Variants in CFAP92 observed in about 807,000 individuals in gnomAD.
The protein encoded by CFAP92 is cilia and flagella associated protein 92 (putative), also known as uncharacterized protein CFAP92.
CFAP92 carries 86 observed loss-of-function variants against 106.3 expected under a neutral mutation model. That is an observed-to-expected ratio of 0.81 (90% CI 0.68 to 0.97). The LOEUF (loss-of-function observed/expected upper bound fraction) is 0.97. Among genes scored for constraint, CFAP92 ranks in the 50% least tolerant of loss-of-function variants. The pLI, the probability that CFAP92 is intolerant of heterozygous loss-of-function variation, is 0.00. For missense variants in CFAP92, 1,204 were observed against 1,283.8 expected (o/e 0.94, Z 0.95); for synonymous variants, 477 against 506.4 (o/e 0.94, Z 0.78).
At chr3:128,913,749 T>C (rs981957713) in intron 15 of CFAP92, among the ~76,000 whole-genome samples, 1 of 152,026 alleles carries the variant, frequency 6.6e-6, no homozygotes, top group African/African-American at 2.4e-5. Context: ...TGGGGAAAGT[T>C]TGTAAATATT....
Position 128,915,576 on chromosome 3 carries a change from G to A in CFAP92, c.2917-13C>T. 6.7e-7 allele frequency: 1 copy of A among 1,491,934 alleles called. No individual in the cohort carries two copies. 92.4% of individuals were successfully genotyped at this position (1,491,934 alleles called of 1,614,324 possible). A position where few individuals can be genotyped will look rare whatever the true frequency, so the allele number is the denominator to read the frequency against. On this transcript the variant is annotated splice_polypyrimidine_tract_variant and intron_variant, in intron 13 of 15. Coordinates refer to ENST00000645291, the MANE Select transcript of CFAP92 (RefSeq NM_001394090.1). The stretch of plus-strand genomic sequence containing the variant: ...TCTTTCTTGGCTCCTAGAAATGGGG[G>A]CAGACAGGTTGGGGTGGAAGGGCTA...
rs1939615618 is a variant in CFAP92, at chr3:128,941,442, T to G, written c.2258+3629A>C. Among the ~76,000 whole-genome samples the G allele has an allele frequency of 3.9e-5, 6 of 152,312 alleles. No homozygotes were observed. The South Asian group carries it at 1.2e-3, about 32-fold the overall frequency. On this transcript the variant is annotated intron_variant, in intron 10 of 15. Transcript: ENST00000645291. The stretch of plus-strand genomic sequence containing the variant: ...AGCATTTTAAGGTTATACATTTTCT[T>G]CTGACTAATGCTTCAATATCACTCT...
chr3:128,959,339 A>C (rs1941687766), intron 9 of CFAP92, among the ~76,000 whole-genome samples: 2 of 152,228 alleles, frequency 1.3e-5, no homozygotes, highest in Non-Finnish European at 2.9e-5. Context: ...CAATGCCTTC[A>C]AAACTCTGAA....
chr3:128,987,251 G>C (rs1450374923), intron 4 of CFAP92, among the ~76,000 whole-genome samples: 3 of 152,148 alleles, frequency 2.0e-5, no homozygotes, highest in Non-Finnish European at 4.4e-5. Context: ...ATTGGCTTGG[G>C]GTGGTGGGAT....
chr3:128,976,101 G>T (rs969472336), intron 6 of CFAP92, among the ~76,000 whole-genome samples, 198 bp from the exon 7 acceptor site: 2 of 152,074 alleles, frequency 1.3e-5, no homozygotes, highest in Non-Finnish European at 2.9e-5. Context: ...GTAGACTCTG[G>T]TTCAGTAAAC....
chr3:128,979,184 G>C (rs1943358775), intron 4 of CFAP92, among the ~76,000 whole-genome samples: 1 of 152,218 alleles, frequency 6.6e-6, no homozygotes, highest in Non-Finnish European at 1.5e-5. Context: ...GCAGCCAACA[G>C]ACACATGAAA....
intron 9 of CFAP92, 68 bp downstream of exon 9, chr3:128,965,443 T>G: frequency 2.5e-6 from 1 of 398,406 alleles, no homozygotes; most frequent in Non-Finnish European, 4.4e-6. Context: ...GGACTAGAGG[T>G]GGCATGTGAC....
chr3:129,009,066 T>C, the CFAP92 span, among the ~76,000 whole-genome samples: 1 of 152,038 alleles, frequency 6.6e-6, no homozygotes, highest in African/African-American at 2.4e-5. Context: ...TGTGGAAAAT[T>C]TGACATCACC....
intron 12 of CFAP92, among the ~76,000 whole-genome samples, chr3:128,931,937 G>A (rs1938443230): frequency 6.6e-6 from 1 of 152,150 alleles, no homozygotes. Context: ...AGGACTGCTT[G>A]AGCCCAGGAG....
At chr3:128,944,967 A>G (rs1940057948) in intron 10 of CFAP92, 104 bp downstream of exon 10, 1 of 1,012,798 alleles carries the variant, frequency 9.9e-7, no homozygotes, top group Admixed American at 2.9e-5. Flanking sequence ...AAGGAGACTC[A>G]CAGACAAGGA....
Position 128,975,465 on chromosome 3 carries a change from ATG to A in CFAP92, c.1021+312_1021+313del, listed in dbSNP as rs1559919430. On this transcript the variant is annotated intron_variant, in intron 7 of 15. Coordinates refer to ENST00000645291, the MANE Select transcript of CFAP92 (RefSeq NM_001394090.1). Reference sequence around the variant, plus strand: ...GATGGATGGATGGATGGATGGATGGATGGATGAATAAATGGAATGGGTGGGTG... The same window carrying A: ...GATGGATGGATGGATGGATGGATGGAGATGAATAAATGGAATGGGTGGGTG... 2.7e-5 allele frequency among the ~76,000 whole-genome samples: 4 copies of A among 149,914 alleles called. No individual in the cohort carries two copies. In the East Asian group the frequency reaches 7.8e-4, roughly 29 times the overall value.
the CFAP92 span, among the ~76,000 whole-genome samples, chr3:129,018,636 T>C: frequency 6.6e-6 from 1 of 152,142 alleles, no homozygotes; most frequent in African/African-American, 2.4e-5. Flanking sequence ...TGACCAGCAA[T>C]TCCAACCTTG....
intron 12 of CFAP92, 76 bp downstream of exon 12, chr3:128,932,624 C>T: frequency 7.2e-7 from 1 of 1,391,416 alleles, no homozygotes; most frequent in Non-Finnish European, 9.6e-7. Context: ...AGGAATATGC[C>T]CTATGCCTCT....
At chr3:128,922,333 G>C (rs1937361475) in intron 12 of CFAP92, among the ~76,000 whole-genome samples, 1 of 149,616 alleles carries the variant, frequency 6.7e-6, no homozygotes, top group Admixed American at 6.6e-5. Flanking sequence ...ATAGAGCAAG[G>C]CTCCATCTCA....
chr3:128,942,342 C>T (rs1212483427), intron 10 of CFAP92, among the ~76,000 whole-genome samples: 2 of 152,234 alleles, frequency 1.3e-5, no homozygotes, highest in Non-Finnish European at 2.9e-5. Context: ...TGAGTGGCGG[C>T]ATGCAAGCAC....
At chr3:128,958,765 G>A (rs945656527) in intron 9 of CFAP92, among the ~76,000 whole-genome samples, 1 of 152,072 alleles carries the variant, frequency 6.6e-6, no homozygotes, top group African/African-American at 2.4e-5. Context: ...GCTGGGTGTG[G>A]TGGCGTGTGC....
At position 129,001,252 on chromosome 3, in the gene CFAP92, C is replaced by T. The variant is rs140821638; in HGVS notation, n.117+1322G>A. 4.8e-3 allele frequency among the ~76,000 whole-genome samples: 730 copies of T among 152,272 alleles called. 6 individuals carry two copies. The highest frequency in any genetic ancestry group is 0.017 in the African/African-American group (695 of 41,566). On this transcript the variant is annotated intron_variant and non_coding_transcript_variant, in intron 1 of 4. Transcript: ENST00000510149. Reference sequence around the variant, plus strand: ...AACTCTCCGCGCCAGGCGGGCGGGGCGGAGGGAGGAGGGAGTTGAGAGTGG... The same window carrying T: ...AACTCTCCGCGCCAGGCGGGCGGGGTGGAGGGAGGAGGGAGTTGAGAGTGG...
At chr3:128,939,439 AGAGTT>A (rs1333841446) in intron 10 of CFAP92, among the ~76,000 whole-genome samples, 1 of 152,154 alleles carries the variant, frequency 6.6e-6, no homozygotes, top group African/African-American at 2.4e-5. Context: ...TGCCCAGCCT[AGAGTT>A]ATTTTTTAAT....
At chr3:128,943,821 G>A (rs1030268600) in intron 10 of CFAP92, among the ~76,000 whole-genome samples, 11 of 151,872 alleles carry the variant, frequency 7.2e-5, no homozygotes, top group African/African-American at 2.4e-4. Context: ...ACAGGTGTGA[G>A]CCACCGTGCC....
Sources: gnomAD v4.1 joint callset for allele counts (sites outside exome capture counted in the v4.1 genomes callset) on GRCh38, gnomAD v4.1.1 for gene constraint, MANE v1.5 for transcripts, NCBI Gene and HGNC (gene_info 2026-07-23, HGNC 2026-07-21) for gene names.